Variants in ABCC9 observed in about 807,000 individuals in gnomAD.
ABCC9 encodes ATP-binding cassette sub-family C member 9.
Under a neutral mutation model 188.3 loss-of-function variants are expected in ABCC9, and 95 were observed. That is an observed-to-expected ratio of 0.50 (90% confidence interval 0.43 to 0.60). ABCC9 has a LOEUF of 0.60. Ranked by LOEUF, ABCC9 falls within the 20% of genes least tolerant of loss-of-function variation. The probability of loss-of-function intolerance (pLI) is 0.00; values close to 1 mark genes in which losing one functional copy is unlikely to be tolerated. For synonymous variants in ABCC9, 659 were observed against 652.7 expected (o/e 1.01, Z -0.15); for missense variants, 1,102 against 1,876.3 (o/e 0.59, Z 7.62).
At chr12:21,879,136 G>A (rs947375678) in intron 16 of ABCC9, among the ~76,000 whole-genome samples, 1 of 152,140 alleles carries the variant, frequency 6.6e-6, no homozygotes, top group African/African-American at 2.4e-5. Flanking sequence ...AGAAGCAAAC[G>A]ATCAAGAAAA....
intron 30 of ABCC9, among the ~76,000 whole-genome samples, chr12:21,832,181 A>G (rs893159831): frequency 6.6e-6 from 1 of 152,232 alleles, no homozygotes; most frequent in Non-Finnish European, 1.5e-5. Flanking sequence ...ACAAGAAAAA[A>G]ATAGGAAAGG....
At chr12:21,907,146 TGA>T (rs1212410634) in intron 11 of ABCC9, among the ~76,000 whole-genome samples, 1 of 152,082 alleles carries the variant, frequency 6.6e-6, no homozygotes, top group Non-Finnish European at 1.5e-5. Flanking sequence ...AATGAGTGAA[TGA>T]ATATGGTATG....
At position 21,892,678 on chromosome 12, in the gene ABCC9, A is replaced by G. The variant is rs368161179; in HGVS notation, c.1802+1354T>C. 1.6e-3 allele frequency among the ~76,000 whole-genome samples: 248 copies of G among 152,302 alleles called. 3 individuals carry two copies. In the South Asian group the frequency reaches 0.032, roughly 20 times the overall value. Reference sequence around the variant, plus strand: ...GAATGTCTCAGAGGTTAACTTTGAAACTATGTTACACTATCATATTCTGTA... The same window carrying G: ...GAATGTCTCAGAGGTTAACTTTGAAGCTATGTTACACTATCATATTCTGTA... On this transcript the variant is annotated intron_variant, in intron 14 of 39. Coordinates refer to ENST00000261200, the MANE Select transcript of ABCC9 (RefSeq NM_020297.4).
chr12:21,824,804 G>T (rs572914376), intron 31 of ABCC9, among the ~76,000 whole-genome samples: 1 of 152,028 alleles, frequency 6.6e-6, no homozygotes, highest in African/African-American at 2.4e-5. Flanking sequence ...ATTTTCTGAT[G>T]GTAGTTTGTA....
intron 38 of ABCC9, among the ~76,000 whole-genome samples, chr12:21,806,812 C>A (rs1264162104): frequency 6.6e-6 from 1 of 152,154 alleles, no homozygotes; most frequent in Admixed American, 6.6e-5. Context: ...CTGGACAGAT[C>A]TTTCTTGGAC....
At chr12:21,879,385 G>A (rs2137630516) in intron 16 of ABCC9, among the ~76,000 whole-genome samples, 1 of 152,282 alleles carries the variant, frequency 6.6e-6, no homozygotes, top group African/African-American at 2.4e-5. Context: ...CCTAGTATAT[G>A]ATTCCATTTA....
intron 30 of ABCC9, among the ~76,000 whole-genome samples, chr12:21,837,687 C>A (rs1165118838): frequency 1.3e-5 from 2 of 151,994 alleles, no homozygotes; most frequent in Non-Finnish European, 2.9e-5. Context: ...TTTATTTTAA[C>A]TTGTTTATTG....
intron 34 of ABCC9, 49 bp from the exon 35 acceptor site, chr12:21,814,771 G>A (rs760771965): frequency 1.0e-5 from 15 of 1,488,190 alleles, no homozygotes; most frequent in Middle Eastern, 1.7e-4. Context: ...GAAAAGGACA[G>A]AAGATTAGCT....
At chr12:21,915,530 T>TTTTTTTTTTTTTTTTG (rs1948565610) in intron 7 of ABCC9, 138 bp downstream of exon 7, 1 of 169,246 alleles carries the variant, frequency 5.9e-6, no homozygotes, top group African/African-American at 4.2e-5. Flanking sequence ...TTTTTTTTTT[T>TTTTTTTTTTTTTTTTG]GAGACAGAGT....
intron 7 of ABCC9, among the ~76,000 whole-genome samples, 154 bp downstream of exon 7, chr12:21,915,514 A>ATATATCTATTTTTT: frequency 2.8e-4 from 1 of 3,520 alleles, no homozygotes; most frequent in African/African-American, 1.1e-3. Context: ...ATATATATAT[A>ATATATCTATTTTTT]TTTTTTTTTT....
At chr12:21,936,423 A>C in intron 3 of ABCC9, 110 bp downstream of exon 3, 2 of 936,664 alleles carry the variant, frequency 2.1e-6, no homozygotes, top group South Asian at 3.4e-5. Context: ...CGTTTCTCAC[A>C]GCCATCAGCT....
At chr12:21,858,440 A>G (rs1031316606) in intron 22 of ABCC9, among the ~76,000 whole-genome samples, 11 of 151,840 alleles carry the variant, frequency 7.2e-5, no homozygotes, top group Non-Finnish European at 1.2e-4. Flanking sequence ...ATAGCCAAGT[A>G]TGGTGGTATG....
intron 34 of ABCC9, 146 bp downstream of exon 34, chr12:21,815,616 CT>C: frequency 3.3e-6 from 3 of 920,230 alleles, no homozygotes; most frequent in Non-Finnish European, 3.3e-6. Context: ...CTATCTCTCC[CT>C]TTTTTCTTTT....
chr12:21,863,078 A>G (rs1221860025), intron 19 of ABCC9, 24 bp from the exon 20 acceptor site: 5 of 1,501,514 alleles, frequency 3.3e-6, no homozygotes, highest in Non-Finnish European at 4.6e-6. Flanking sequence ...AAGAAAAAAA[A>G]AAACACCAGG....
At chr12:21,849,182 G>C (rs1221095828) in intron 24 of ABCC9, among the ~76,000 whole-genome samples, 2 of 150,728 alleles carry the variant, frequency 1.3e-5, no homozygotes, top group South Asian at 4.2e-4. Context: ...CCAATACAAA[G>C]AAAAAAAAAC....
chr12:21,820,812 G>T, intron 31 of ABCC9, among the ~76,000 whole-genome samples: 1 of 152,064 alleles, frequency 6.6e-6, no homozygotes, highest in Admixed American at 6.6e-5. Flanking sequence ...CCTAACTCCA[G>T]CCCTGTGGCT....
chr12:21,799,580 A>C lies in ABCC9; in HGVS notation c.*1464T>G, dbSNP rs1320838189. 2.0e-5 allele frequency: 3 copies of C among 152,192 alleles called. No individual in the cohort carries two copies. Among genetic ancestry groups the C allele is most frequent in the African/African-American group, 7.2e-5 (3 of 41,450 alleles). 9.4% of individuals were successfully genotyped at this position (152,192 alleles called of 1,614,324 possible). On this transcript the variant is annotated 3_prime_UTR_variant, in exon 40 of 40. Coordinates refer to ENST00000261200, the MANE Select transcript of ABCC9 (RefSeq NM_020297.4). ...ATCTTGTGGAACTTATTTTTTTGTA[A>C]ATATAAAGATTAAATATTCAGGTGA...
chr12:21,922,739 C>CT (rs774569928), intron 5 of ABCC9, among the ~76,000 whole-genome samples: 2,331 of 125,498 alleles, frequency 0.019, 61 homozygotes, highest in East Asian at 0.13. Context: ...TCCTACCAAG[C>CT]TTTTTTTTTT....
intron 12 of ABCC9, among the ~76,000 whole-genome samples, chr12:21,897,242 C>T (rs1565459231): frequency 6.6e-6 from 1 of 152,142 alleles, no homozygotes; most frequent in Non-Finnish European, 1.5e-5. Context: ...CTGTTCATGT[C>T]CTTTGCCCAC....
Sources: allele counts gnomAD v4.1 joint callset (sites outside exome capture counted in the v4.1 genomes callset), GRCh38; gene constraint gnomAD v4.1.1; transcripts MANE v1.5; gene names NCBI Gene and HGNC (gene_info 2026-07-23, HGNC 2026-07-21).